Variants in GPC3 observed in about 807,000 individuals in gnomAD.
GPC3 encodes glypican 3.
A neutral mutation model predicts 34.4 loss-of-function variants in GPC3; 3 were observed. The ratio of observed to expected loss-of-function variants is 0.09; its 90% confidence interval spans 0.04 to 0.23. The LOEUF (loss-of-function observed/expected upper bound fraction) is 0.23. Ranked by LOEUF, GPC3 falls within the 10% of genes least tolerant of loss-of-function variation. The probability of loss-of-function intolerance (pLI) is 1.00; values close to 1 mark genes in which losing one functional copy is unlikely to be tolerated. For missense variants in GPC3, 351 were observed against 445.6 expected (o/e 0.79, Z 1.91); for synonymous variants, 177 against 174.0 (o/e 1.02, Z -0.13).
chrX:133,951,485 CTG>C (rs2076393071), intron 2 of GPC3, among the ~76,000 whole-genome samples: 1 of 111,323 alleles, frequency 9.0e-6, no homozygotes, highest in Non-Finnish European at 1.9e-5. Context: ...CACTAATACT[CTG>C]TTCTAAAAAG....
intron 6 of GPC3, among the ~76,000 whole-genome samples, chrX:133,647,487 G>A (rs759658979): frequency 1.4e-4 from 16 of 112,678 alleles, no homozygotes; most frequent in Non-Finnish European, 2.4e-4. Flanking sequence ...ATGAACAAGC[G>A]AGGTCTTATA....
chrX:133,540,996 A>G, intron 7 of GPC3, among the ~76,000 whole-genome samples: 1 of 106,685 alleles, frequency 9.4e-6, no homozygotes, highest in African/African-American at 3.4e-5. Context: ...GATGAAAGGT[A>G]AGGCGGAGGG....
rs183824731 is a variant in GPC3 at position 133,623,422 on chromosome X, G to A, written c.1414-26823C>T. On this transcript the variant is annotated intron_variant, in intron 6 of 7. Transcript: ENST00000370818. ...GCTGTATTCAGGAGACCCATCTCAC[G>A]TGCAGAGACACACATAGGCTCAAAA... Among the ~76,000 whole-genome samples the A allele has an allele frequency of 9.1e-3, 1,016 of 111,574 alleles. 15 individuals carry two copies. Among genetic ancestry groups the A allele is most frequent in the African/African-American group, 0.03 (913 of 30,700 alleles).
intron 2 of GPC3, among the ~76,000 whole-genome samples, chrX:133,789,220 C>T (rs1041811633): frequency 1.4e-4 from 16 of 111,584 alleles, no homozygotes; most frequent in African/African-American, 4.6e-4. Flanking sequence ...CATTCTCTGG[C>T]CACACTCTCC....
chrX:133,820,985 C>T (rs936225355), intron 2 of GPC3, among the ~76,000 whole-genome samples: 1 of 111,970 alleles, frequency 8.9e-6, no homozygotes, highest in Non-Finnish European at 1.9e-5. Flanking sequence ...ATGGCCAGCA[C>T]ATAGCAAGAG....
chrX:133,875,118 G>C (rs749726935), intron 2 of GPC3, among the ~76,000 whole-genome samples: 2 of 111,976 alleles, frequency 1.8e-5, no homozygotes, highest in South Asian at 7.4e-4. Context: ...CTAGAGAGTA[G>C]TGAGTTTGAA....
intron 2 of GPC3, among the ~76,000 whole-genome samples, chrX:133,777,034 C>A (rs1208176070): frequency 9.2e-6 from 1 of 108,583 alleles, no homozygotes; most frequent in Non-Finnish European, 1.9e-5. Flanking sequence ...TGCCCACCAC[C>A]ACGCCCAGCT....
intron 6 of GPC3, among the ~76,000 whole-genome samples, chrX:133,635,353 C>T (rs1339574378): frequency 9.0e-6 from 1 of 111,577 alleles, no homozygotes; most frequent in Non-Finnish European, 1.9e-5. Context: ...GGGACACAGC[C>T]AAGGCCAGTA....
chrX:133,711,370 C>T (rs181957761), intron 3 of GPC3, among the ~76,000 whole-genome samples: 1 of 111,907 alleles, frequency 8.9e-6, no homozygotes, highest in East Asian at 2.8e-4. Context: ...AAAGCATGGT[C>T]CTAAAATAAG....
intron 2 of GPC3, among the ~76,000 whole-genome samples, chrX:133,922,775 GAAAAACAAAAAC>G (rs1475536173): frequency 2.7e-5 from 3 of 109,504 alleles, no homozygotes; most frequent in African/African-American, 6.7e-5. Context: ...GGATCCTCAG[GAAAAACAAAAAC>G]AAAAACAAAA....
At chrX:133,723,325 C>T (rs1171344133) in intron 3 of GPC3, among the ~76,000 whole-genome samples, 1 of 112,097 alleles carries the variant, frequency 8.9e-6, no homozygotes, top group Non-Finnish European at 1.9e-5. Flanking sequence ...GGGACTTGCA[C>T]ATGGCCTGCT....
chrX:133,837,322 T>C (rs990895808), intron 2 of GPC3, among the ~76,000 whole-genome samples: 2 of 111,509 alleles, frequency 1.8e-5, no homozygotes, highest in Admixed American at 9.6e-5. Flanking sequence ...GAAACTGTCT[T>C]AGCTAACTTG....
chrX:133,803,991 C>T (rs1024976423), intron 2 of GPC3, among the ~76,000 whole-genome samples: 236 of 109,387 alleles, frequency 2.2e-3, no homozygotes, highest in Non-Finnish European at 3.9e-3. Context: ...CACACACACA[C>T]ACACACACAC....
chrX:133,780,479 C>G (rs1023248283), intron 2 of GPC3, among the ~76,000 whole-genome samples: 1 of 111,389 alleles, frequency 9.0e-6, no homozygotes. Context: ...TTAAAAGAAA[C>G]GATTTGTGTC....
intron 2 of GPC3, among the ~76,000 whole-genome samples, chrX:133,827,944 C>CAAAA (rs760699432): frequency 5.6e-5 from 2 of 36,031 alleles, no homozygotes; most frequent in Non-Finnish European, 9.3e-5. Context: ...AACTCCATCC[C>CAAAA]AAAAAAAAAA....
At chrX:133,706,942 T>C (rs747425970) in intron 3 of GPC3, among the ~76,000 whole-genome samples, 3 of 111,843 alleles carry the variant, frequency 2.7e-5, no homozygotes, top group Non-Finnish European at 5.6e-5. Flanking sequence ...AGCAAAGACA[T>C]GCTATCAACT....
intron 6 of GPC3, among the ~76,000 whole-genome samples, chrX:133,646,000 T>A (rs1198157968): frequency 9.2e-6 from 1 of 108,980 alleles, no homozygotes; most frequent in Non-Finnish European, 1.9e-5. Context: ...ACAAAAAAAA[T>A]TGTTTCTGGA....
intron 7 of GPC3, among the ~76,000 whole-genome samples, chrX:133,585,675 G>A (rs1473567717): frequency 2.7e-5 from 3 of 111,336 alleles, no homozygotes; most frequent in Non-Finnish European, 5.7e-5. Flanking sequence ...GCAACCCAGC[G>A]AGAGGCTTCA....
At chrX:133,560,850 G>C (rs2069534946) in intron 7 of GPC3, among the ~76,000 whole-genome samples, 1 of 111,998 alleles carries the variant, frequency 8.9e-6, no homozygotes, top group African/African-American at 3.2e-5. Flanking sequence ...AATCTTGGAT[G>C]GGTTTCTTTG....
Sources: allele counts gnomAD v4.1 joint callset (sites outside exome capture counted in the v4.1 genomes callset), GRCh38; gene constraint gnomAD v4.1.1; transcripts MANE v1.5; gene names NCBI Gene and HGNC (gene_info 2026-07-23, HGNC 2026-07-21).